The following C1orf232 variants were observed in gnomAD, a reference collection of about 807,000 sequenced individuals.
C1orf232 encodes the protein chromosome 1 open reading frame 230.
A neutral mutation model predicts 12.1 loss-of-function variants in C1orf232; 10 were observed. The observed-to-expected ratio is 0.82, with a 90% CI of 0.51 to 1.40. The LOEUF (loss-of-function observed/expected upper bound fraction) is 1.40. Among genes scored for constraint, C1orf232 ranks in the 40% most tolerant of loss-of-function variants. The pLI, the probability that C1orf232 is intolerant of heterozygous loss-of-function variation, is 0.00. For missense variants in C1orf232, 88 were observed against 98.4 expected (o/e 0.89, Z 0.45); for synonymous variants, 36 against 39.8 (o/e 0.90, Z 0.36).
At position 26,166,068 on chromosome 1, in the gene C1orf232, C is replaced by T; in HGVS notation, c.135G>A (p.Glu45=). The T allele has an allele frequency of 1.6e-6, 2 of 1,231,652 alleles. No homozygotes were observed. The highest frequency in any genetic ancestry group is 2.0e-6 in the Non-Finnish European group (2 of 987,982). The allele number at this position is 1,231,652 out of a possible 1,614,324, so 76.3% of individuals were successfully genotyped here. ...CCAGCTGTGACATGGGATTGAAGGT[C>T]TCCTCGGTCGGTTCTGCTGTCTCAG... The part of the protein sequence containing the change: ...VGSETAEPTE[E]TFNPMSQLAR... The change falls in exon 2 of 4, where the codon GAG becomes GAA. Residue 45 remains glutamate (E), a synonymous_variant. Transcript: ENST00000634842.
chr1:26,165,009 A>C (rs1475076898), intron 3 of C1orf232, among the ~76,000 whole-genome samples: 2 of 151,722 alleles, frequency 1.3e-5, no homozygotes, highest in East Asian at 3.9e-4. Flanking sequence ...CGCGGGACTC[A>C]AGAGAAGTGG....
Position 26,164,470 on chromosome 1 carries a change from C to G in C1orf232, c.267-15G>C, listed in dbSNP as rs2088403100. ...CCGCCAGAGGGCTGCGGGAGAGGGCCGCGGTCAGGGAAGCGGCCGGGCGGT... is the reference window on the plus strand; with the variant it reads ...CCGCCAGAGGGCTGCGGGAGAGGGCGGCGGTCAGGGAAGCGGCCGGGCGGT... On this transcript the variant is annotated splice_polypyrimidine_tract_variant and intron_variant, in intron 3 of 3. Coordinates refer to ENST00000634842, the MANE Select transcript of C1orf232 (RefSeq NM_001364669.2). The surrounding 1 kb of genome is among the most constrained non-coding windows in gnomAD (Gnocchi z 4.2). 1 of 376,854 alleles carries G rather than the reference C, an allele frequency of 2.7e-6. No homozygotes were observed. The allele number at this position is 376,854 out of a possible 1,614,324, so 23.3% of individuals were successfully genotyped here.
chr1:26,166,562 C>T (rs1483934788), intron 1 of C1orf232, among the ~76,000 whole-genome samples: 1 of 152,156 alleles, frequency 6.6e-6, no homozygotes, highest in Non-Finnish European at 1.5e-5. Flanking sequence ...AGTGATCCTC[C>T]CACCTCGGCC....
chr1:26,164,371 C>A lies in C1orf232; in HGVS notation c.351G>T (p.Arg117Ser), dbSNP rs2088401352. Residue 117 changes from arginine (R) to serine (S), a missense_variant, in exon 4 of 4, where the codon AGG becomes AGT. Physicochemically the swap from Arg to Ser is moderately radical, Grantham distance 110. Transcript: ENST00000634842. The surrounding 1 kb of genome is among the most constrained non-coding windows in gnomAD (Gnocchi z 4.2). The part of the protein sequence containing the change: ...GPGFWDAFAS[R>S]WQQQQAAAAS... The stretch of plus-strand genomic sequence containing the variant: ...CCGCCGCGGCCTGCTGCTGCTGCCA[C>A]CTGCTGGCGAACGCGTCCCAGAAGC... 5.1e-6 allele frequency: 2 copies of A among 393,010 alleles called. No homozygotes were observed. Among genetic ancestry groups the A allele is most frequent in the Non-Finnish European group, 9.0e-6 (2 of 222,556 alleles). The allele number at this position is 393,010 out of a possible 1,614,324, so 24.3% of individuals were successfully genotyped here.
chr1:26,164,391 A>T lies in C1orf232; in HGVS notation c.331T>A (p.Trp111Arg), dbSNP rs975460764. Residue 111 changes from tryptophan to arginine, a missense_variant, in exon 4 of 4, where the codon TGG becomes AGG. Transcript: ENST00000634842. This position sits in a 1 kb window ranked among gnomAD's most constrained non-coding sequence, Gnocchi z 4.2. ...TGCCACCTGCTGGCGAACGCGTCCCAGAAGCCCGGGCCGCGCGCCTCCGCC... is the reference window on the plus strand; with the variant it reads ...TGCCACCTGCTGGCGAACGCGTCCCTGAAGCCCGGGCCGCGCGCCTCCGCC... Reference protein sequence around the residue: ...AAAEARGPGFWDAFASRWQQQ... With the variant: ...AAAEARGPGFRDAFASRWQQQ... 8.6e-4 allele frequency: 334 copies of T among 389,518 alleles called. 2 individuals are homozygous for T. Among genetic ancestry groups the T allele is most frequent in the Middle Eastern group, 1.3e-3 (2 of 1,540 alleles). The allele number at this position is 389,518 out of a possible 1,614,324, so 24.1% of individuals were successfully genotyped here. A position where few individuals can be genotyped will look rare whatever the true frequency, so the allele number is the denominator to read the frequency against.
Position 26,166,072 on chromosome 1 carries a change from T to G in C1orf232, c.131A>C (p.Glu44Ala), listed in dbSNP as rs1205358579. The change falls in exon 2 of 4, where the codon GAG (glutamate) becomes GCG (alanine). Residue 44 changes from glutamate (E) to alanine (A), a missense_variant. By Grantham distance (107) the Glu-to-Ala change is moderately radical (BLOSUM62 -1). Transcript: ENST00000634842. ...LVGSETAEPTEETFNPMSQLA... is the reference protein window; with the variant it reads ...LVGSETAEPTAETFNPMSQLA... Reference sequence around the variant, plus strand: ...CTGTGACATGGGATTGAAGGTCTCCTCGGTCGGTTCTGCTGTCTCAGACCC... The same window carrying G: ...CTGTGACATGGGATTGAAGGTCTCCGCGGTCGGTTCTGCTGTCTCAGACCC... 8.1e-7 allele frequency: 1 copy of G among 1,231,582 alleles called. No homozygotes were observed. Among genetic ancestry groups the G allele is most frequent in the East Asian group, 3.2e-5 (1 of 31,716 alleles). The allele number at this position is 1,231,582 out of a possible 1,614,324, so 76.3% of individuals were successfully genotyped here.
chr1:26,168,415 C>G lies in C1orf232; in HGVS notation c.84+1G>C. The G allele has an allele frequency of 1.6e-6, 2 of 1,231,940 alleles. No homozygotes were observed. The highest frequency in any genetic ancestry group is 2.0e-6 in the Non-Finnish European group (2 of 988,098). The allele number at this position is 1,231,940 out of a possible 1,614,324, so 76.3% of individuals were successfully genotyped here. ...ACCCACCATGCATGGATGGCACCCA[C>G]CTCCTCTGCCAGGTCTTCTTCAGAT... On this transcript the variant is annotated splice_donor_variant, in intron 1 of 3. Transcript: ENST00000634842. LOFTEE classifies it high-confidence loss of function.
At position 26,168,652 on chromosome 1, in the gene C1orf232, A is replaced by G. The variant is rs1053162498; in HGVS notation, c.-153T>C. 2.3e-6 allele frequency: 1 copy of G among 441,312 alleles called. No homozygotes were observed. The highest frequency in any genetic ancestry group is 3.8e-6 in the Non-Finnish European group (1 of 266,432). The allele number at this position is 441,312 out of a possible 1,614,324, so 27.3% of individuals were successfully genotyped here. ...AGATGCACCAGCCTCCCCAGCTGGC[A>G]CAGTGCCCAGGAGGTGAACCTGATC... On this transcript the variant is annotated 5_prime_UTR_variant, in exon 1 of 4. Coordinates refer to ENST00000634842, the MANE Select transcript of C1orf232 (RefSeq NM_001364669.2).
At chr1:26,166,183 C>T (rs994667336) in intron 1 of C1orf232, 65 bp from the exon 2 acceptor site, 2 of 1,159,854 alleles carry the variant, frequency 1.7e-6, no homozygotes, top group Non-Finnish European at 1.1e-6. Context: ...CCCTCCTCCA[C>T]TGCTAGCCTA....
Position 26,165,985 on chromosome 1 carries a change from G to T in C1orf232, c.168+50C>A, listed in dbSNP as rs914023325. The T allele has an allele frequency of 4.9e-6, 6 of 1,231,486 alleles. No individual in the cohort carries two copies. In the South Asian group the frequency reaches 2.1e-4, roughly 42 times the overall value. 76.3% of individuals were successfully genotyped at this position (1,231,486 alleles called of 1,614,324 possible). ...CACAACCTCCCAGGACTCCACAGAA[G>T]CCTCTGCCAGGCTGCCCAGGGTTGG... On this transcript the variant is annotated intron_variant, in intron 2 of 3. Transcript: ENST00000634842.
Position 26,164,883 on chromosome 1 carries a change from G to A in C1orf232, c.267-428C>T, listed in dbSNP as rs917695847. Among the ~76,000 whole-genome samples, 1 of 152,126 alleles carries A rather than the reference G, an allele frequency of 6.6e-6. No individual in the cohort carries two copies. Among genetic ancestry groups the A allele is most frequent in the Non-Finnish European group, 1.5e-5 (1 of 68,026 alleles). On this transcript the variant is annotated intron_variant, in intron 3 of 3. Transcript: ENST00000634842. This position sits in a 1 kb window ranked among gnomAD's most constrained non-coding sequence, Gnocchi z 4.2. ...GATCCCCCCTGAGGGAAGCCCTGGG[G>A]AAAAGAGGCGGGGCACAGACAGGAA...
At position 26,166,117 on chromosome 1, in the gene C1orf232, C is replaced by A; in HGVS notation, c.86G>T (p.Arg29Met). The part of the protein sequence containing the change: ...GESEEDLAEE[R>M]ENPALVGSET... ...AGACCCCACTAATGCTGGGTTCTCC[C>A]TCTGGGACACAAGACCCCCACACAG... Residue 29 changes from arginine to methionine, a missense_variant and splice_region_variant, in exon 2 of 4, where the codon AGG (arginine) becomes ATG (methionine). Coordinates refer to ENST00000634842, the MANE Select transcript of C1orf232 (RefSeq NM_001364669.2). 8.1e-7 allele frequency: 1 copy of A among 1,231,650 alleles called. No individual in the cohort carries two copies. The highest frequency in any genetic ancestry group is 4.1e-5 in the South Asian group (1 of 24,296). The allele number at this position is 1,231,650 out of a possible 1,614,324, so 76.3% of individuals were successfully genotyped here. A position where few individuals can be genotyped will look rare whatever the true frequency, so the allele number is the denominator to read the frequency against.
Position 26,164,509 on chromosome 1 carries a change from A to G in C1orf232, c.267-54T>C, listed in dbSNP as rs1336524881. On this transcript the variant is annotated intron_variant, in intron 3 of 3. Coordinates refer to ENST00000634842, the MANE Select transcript of C1orf232 (RefSeq NM_001364669.2). This position sits in a 1 kb window ranked among gnomAD's most constrained non-coding sequence, Gnocchi z 4.2. Reference sequence around the variant, plus strand: ...CGGCCGGGCGGTCCCGCGGAGGAACATCGGCTGGGCTGACGGAGGAGTTTA... The same window carrying G: ...CGGCCGGGCGGTCCCGCGGAGGAACGTCGGCTGGGCTGACGGAGGAGTTTA... The G allele has an allele frequency of 2.7e-6, 1 of 370,860 alleles. No homozygotes were observed. Among genetic ancestry groups the G allele is most frequent in the African/African-American group, 2.1e-5 (1 of 47,452 alleles). The allele number at this position is 370,860 out of a possible 1,614,324, so 23.0% of individuals were successfully genotyped here.
At chr1:26,168,037 G>T (rs1420624143) in intron 1 of C1orf232, among the ~76,000 whole-genome samples, 1 of 152,094 alleles carries the variant, frequency 6.6e-6, no homozygotes, top group South Asian at 2.1e-4. Flanking sequence ...TCTAGTACAG[G>T]CGCCACTCCC....
At chr1:26,167,041 C>G (rs2088434981) in intron 1 of C1orf232, among the ~76,000 whole-genome samples, 1 of 152,242 alleles carries the variant, frequency 6.6e-6, no homozygotes, top group South Asian at 2.1e-4. Context: ...CAGTTACCCA[C>G]TGACATTTCT....
At position 26,168,513 on chromosome 1, in the gene C1orf232, A is replaced by T; in HGVS notation, c.-14T>A. The T allele has an allele frequency of 3.2e-6, 4 of 1,231,780 alleles. No individual in the cohort carries two copies. The South Asian group carries it at 1.6e-4, about 51-fold the overall frequency. The allele number at this position is 1,231,780 out of a possible 1,614,324, so 76.3% of individuals were successfully genotyped here. On this transcript the variant is annotated 5_prime_UTR_variant, in exon 1 of 4. Transcript: ENST00000634842. ...GGCCTGGTTCATGGCTGCAGGGGGA[A>T]GGGGCCTGGCACGCAAGCACAGGAA...
rs2088448343 is a variant in C1orf232, at chr1:26,168,366, C to G, written c.84+50G>C. 3 of 1,201,394 alleles carry G rather than the reference C, an allele frequency of 2.5e-6. No individual in the cohort carries two copies. The African/African-American group carries it at 4.7e-5, about 19-fold the overall frequency. The allele number at this position is 1,201,394 out of a possible 1,614,324, so 74.4% of individuals were successfully genotyped here. A position where few individuals can be genotyped will look rare whatever the true frequency, so the allele number is the denominator to read the frequency against. On this transcript the variant is annotated intron_variant, in intron 1 of 3. Coordinates refer to ENST00000634842, the MANE Select transcript of C1orf232 (RefSeq NM_001364669.2). ...GTGCCCCACTTCATACTGCTCATTCCTGCTGCCCCTCTGCACATGCTCCAC... is the reference window on the plus strand; with the variant it reads ...GTGCCCCACTTCATACTGCTCATTCGTGCTGCCCCTCTGCACATGCTCCAC...
At chr1:26,167,435 C>T (rs2088437766) in intron 1 of C1orf232, among the ~76,000 whole-genome samples, 1 of 152,174 alleles carries the variant, frequency 6.6e-6, no homozygotes, top group Non-Finnish European at 1.5e-5. Flanking sequence ...AGTGATCCTC[C>T]TGCCTCAGCC....
chr1:26,166,107 T>TG lies in C1orf232; in HGVS notation c.95dup (p.Ala33SerfsTer6). The TG allele has an allele frequency of 3.2e-6, 4 of 1,231,674 alleles. No individual in the cohort carries two copies. Among genetic ancestry groups the TG allele is most frequent in the Non-Finnish European group, 4.0e-6 (4 of 987,974 alleles). The allele number at this position is 1,231,674 out of a possible 1,614,324, so 76.3% of individuals were successfully genotyped here. A position where few individuals can be genotyped will look rare whatever the true frequency, so the allele number is the denominator to read the frequency against. On this transcript the variant is annotated frameshift_variant, in exon 2 of 4. Coordinates refer to ENST00000634842, the MANE Select transcript of C1orf232 (RefSeq NM_001364669.2). LOFTEE classifies it high-confidence loss of function. ...CTGCTGTCTCAGACCCCACTAATGC[T>TG]GGGTTCTCCCTCTGGGACACAAGAC...
Sources: gnomAD v4.1 joint callset for allele counts (sites outside exome capture counted in the v4.1 genomes callset) on GRCh38, gnomAD v4.1.1 for gene constraint, Gnocchi (gnomAD v3.1) non-coding constraint, MANE v1.5 for transcripts, NCBI Gene and HGNC (gene_info 2026-07-23, HGNC 2026-07-21) for gene names.